LRMDA: variants seen among roughly 807,000 people sequenced by gnomAD.
The protein encoded by LRMDA is leucine-rich melanocyte differentiation-associated protein.
A neutral mutation model predicts 29.8 loss-of-function variants in LRMDA; 18 were observed. The observed-to-expected ratio is 0.60, with a 90% confidence interval of 0.42 to 0.90. The LOEUF (loss-of-function observed/expected upper bound fraction) is 0.90. Among genes scored for constraint, LRMDA ranks in the 40% least tolerant of loss-of-function variants. LRMDA has a pLI of 0.00. For missense variants in LRMDA, 273 were observed against 273.9 expected, an observed-to-expected ratio of 1.00 and a Z score of 0.02; for synonymous variants, 125 against 109.4, an observed-to-expected ratio of 1.14 and a Z score of -0.89.
At chr10:75,835,956 A>C (rs74340372) in intron 2 of LRMDA, among the ~76,000 whole-genome samples, 2,020 of 152,282 alleles carry the variant, frequency 0.013, 51 homozygotes, top group African/African-American at 0.046. Context: ...GGCCTTTTAC[A>C]TACAGTAGAT....
At chr10:76,427,579 A>G (rs1842142172) in intron 6 of LRMDA, among the ~76,000 whole-genome samples, 2 of 152,120 alleles carry the variant, frequency 1.3e-5, no homozygotes, top group African/African-American at 4.8e-5. Flanking sequence ...TCTTTTCCTA[A>G]TTGAATGCCC....
At chr10:76,302,770 A>G (rs1840497458) in intron 5 of LRMDA, among the ~76,000 whole-genome samples, 1 of 152,232 alleles carries the variant, frequency 6.6e-6, no homozygotes, top group South Asian at 2.1e-4. Context: ...GAGATATGGC[A>G]CAAATTTGTA....
chr10:75,706,400 G>A (rs1033420215), intron 2 of LRMDA, among the ~76,000 whole-genome samples: 2 of 152,160 alleles, frequency 1.3e-5, no homozygotes, highest in African/African-American at 2.4e-5. Context: ...TAGTTCACAA[G>A]ATTTTAAAAG....
intron 6 of LRMDA, among the ~76,000 whole-genome samples, chr10:76,372,732 T>C (rs1056142600): frequency 6.6e-6 from 1 of 152,192 alleles, no homozygotes; most frequent in Admixed American, 6.5e-5. Flanking sequence ...TGTACTCAGC[T>C]AAGGGGTGCA....
At chr10:76,304,028 T>C (rs2758984) in intron 5 of LRMDA, among the ~76,000 whole-genome samples, 139,874 of 152,140 alleles carry the variant, frequency 0.92, 64,922 homozygotes, top group Non-Finnish European at 0.96. Context: ...CTCTAACCTT[T>C]CTAGCCTTCC....
intron 2 of LRMDA, among the ~76,000 whole-genome samples, chr10:76,006,049 GA>G (rs1283865657): frequency 6.6e-6 from 1 of 152,168 alleles, no homozygotes; most frequent in African/African-American, 2.4e-5. Flanking sequence ...GCTTGAAATG[GA>G]GTCGCTGTTT....
intron 2 of LRMDA, among the ~76,000 whole-genome samples, chr10:75,626,512 C>T (rs1371071270): frequency 6.6e-6 from 1 of 152,092 alleles, no homozygotes; most frequent in Non-Finnish European, 1.5e-5. Context: ...GCTGGGGTGA[C>T]AAGTGTCTTA....
intron 6 of LRMDA, among the ~76,000 whole-genome samples, chr10:76,495,567 A>G (rs1282069940): frequency 6.6e-6 from 1 of 151,934 alleles, no homozygotes; most frequent in Non-Finnish European, 1.5e-5. Context: ...TAGATCTTAT[A>G]GGAAAAAATA....
At chr10:75,772,466 C>T (rs534033822) in intron 2 of LRMDA, among the ~76,000 whole-genome samples, 1 of 152,292 alleles carries the variant, frequency 6.6e-6, no homozygotes, top group African/African-American at 2.4e-5. Flanking sequence ...TTTGCAGTTG[C>T]TTTGCACCAG....
In LRMDA at chr10:75,813,459, T is replaced by C. The variant is rs528249441; in HGVS notation, c.132-222549T>C. On this transcript the variant is annotated intron_variant, in intron 2 of 6. Coordinates refer to ENST00000611255, the MANE Select transcript of LRMDA (RefSeq NM_001305581.2). ...TATAAAGCTCCCCAGCTGATTTCCA[T>C]GCAAACCAATAAAGCTTTGAACCAT... Among the ~76,000 whole-genome samples, 23 of 152,350 alleles carry C rather than the reference T, an allele frequency of 1.5e-4. No individual in the cohort carries two copies. The South Asian group carries it at 2.1e-3, about 14-fold the overall frequency.
chr10:76,478,103 G>A (rs1028713686), intron 6 of LRMDA, among the ~76,000 whole-genome samples: 1 of 152,056 alleles, frequency 6.6e-6, no homozygotes, highest in Non-Finnish European at 1.5e-5. Context: ...ACTACCATCA[G>A]AGTGAATAGG....
chr10:75,550,320 G>C (rs1418969042), intron 2 of LRMDA, among the ~76,000 whole-genome samples: 3 of 152,008 alleles, frequency 2.0e-5, no homozygotes, highest in African/African-American at 7.2e-5. Flanking sequence ...CCTGGTTTTT[G>C]TCTACTTCTT....
At chr10:75,817,330 T>A (rs1844078401) in intron 2 of LRMDA, among the ~76,000 whole-genome samples, 1 of 152,216 alleles carries the variant, frequency 6.6e-6, no homozygotes, top group Admixed American at 6.5e-5. Context: ...GATGGTGAAC[T>A]CACCGATGCT....
At chr10:76,058,341 G>A (rs1589307843) in intron 4 of LRMDA, among the ~76,000 whole-genome samples, 1 of 152,192 alleles carries the variant, frequency 6.6e-6, no homozygotes, top group African/African-American at 2.4e-5. Context: ...AAGAAGCTGA[G>A]CCTGTTTTCT....
intron 5 of LRMDA, among the ~76,000 whole-genome samples, chr10:76,085,039 C>G (rs1016120382): frequency 2.0e-5 from 3 of 152,112 alleles, no homozygotes; most frequent in Admixed American, 2.0e-4. Context: ...ATTCAGAGGG[C>G]CTGGGGTGCC....
chr10:76,178,758 A>C (rs1850987623), intron 5 of LRMDA, among the ~76,000 whole-genome samples: 1 of 152,230 alleles, frequency 6.6e-6, no homozygotes, highest in Non-Finnish European at 1.5e-5. Flanking sequence ...AGCTGTCATC[A>C]CAATTGTATC....
At chr10:76,243,682 G>A (rs1270015310) in intron 5 of LRMDA, among the ~76,000 whole-genome samples, 3 of 152,102 alleles carry the variant, frequency 2.0e-5, no homozygotes, top group Non-Finnish European at 2.9e-5. Context: ...CTTTAACTTG[G>A]CCAAAGTCAT....
Position 75,616,249 on chromosome 10 carries a change from T to TAGCAGCAGCAGCAGCAGCAGC in LRMDA, c.131+177770_131+177790dup, listed in dbSNP as rs58265820. Among the ~76,000 whole-genome samples, 327 of 150,404 alleles carry TAGCAGCAGCAGCAGCAGCAGC rather than the reference T, an allele frequency of 2.2e-3. 2 individuals are homozygous for TAGCAGCAGCAGCAGCAGCAGC. The highest frequency in any genetic ancestry group is 7.6e-3 in the African/African-American group (309 of 40,446). ...ACAGTAATAGTAGCAGTAGCAGCAGTAGCAGCAGCAGCAGCAGCAGCAGCA... is the reference window on the plus strand; with the variant it reads ...ACAGTAATAGTAGCAGTAGCAGCAGTAGCAGCAGCAGCAGCAGCAGCAGCAGCAGCAGCAGCAGCAGCAGCA... On this transcript the variant is annotated intron_variant, in intron 2 of 6. Coordinates refer to ENST00000611255, the MANE Select transcript of LRMDA (RefSeq NM_001305581.2).
chr10:76,217,640 G>A (rs1003264402), intron 5 of LRMDA, among the ~76,000 whole-genome samples: 2 of 152,178 alleles, frequency 1.3e-5, no homozygotes, highest in Admixed American at 1.3e-4. Flanking sequence ...CGTTCACACT[G>A]CTTTACGATG....
Sources: gnomAD v4.1 joint callset for allele counts (sites outside exome capture counted in the v4.1 genomes callset) on GRCh38, gnomAD v4.1.1 for gene constraint, MANE v1.5 for transcripts, NCBI Gene and HGNC (gene_info 2026-07-23, HGNC 2026-07-21) for gene names.